The following LSM4 variants were observed in gnomAD, a reference collection of about 807,000 sequenced individuals.
LSM4 encodes LSM4 homolog, U6 small nuclear RNA and mRNA degradation associated.
A neutral mutation model predicts 22.3 loss-of-function variants in LSM4; 15 were observed. That is an observed-to-expected ratio of 0.67 (90% CI 0.45 to 1.03). The LOEUF is 1.03. LSM4 is among the 50% of genes least tolerant of loss of function. The pLI, the probability that LSM4 is intolerant of heterozygous loss-of-function variation, is 0.00. For missense variants in LSM4, 127 were observed against 198.0 expected, an observed-to-expected ratio of 0.64 and a Z score of 2.15; for synonymous variants, 90 against 79.8, an observed-to-expected ratio of 1.13 and a Z score of -0.68.
intron 4 of LSM4, among the ~76,000 whole-genome samples, chr19:18,308,040 C>T (rs1287325612): frequency 2.0e-5 from 3 of 152,178 alleles, no homozygotes; most frequent in African/African-American, 7.2e-5. Context: ...TGTATCCAGC[C>T]CCAGGGATGG....
intron 1 of LSM4, among the ~76,000 whole-genome samples, chr19:18,319,154 A>G (rs1309830097): frequency 1.3e-5 from 2 of 152,192 alleles, no homozygotes; most frequent in African/African-American, 4.8e-5. Flanking sequence ...AGGCAGGAGA[A>G]TCGCTTGAAA....
At chr19:18,309,915 C>T (rs1970280158) in intron 3 of LSM4, 54 bp from the exon 4 acceptor site, 6 of 1,566,954 alleles carry the variant, frequency 3.8e-6, no homozygotes, top group Non-Finnish European at 4.3e-6. Context: ...CTGGCCCAGC[C>T]CTGGGAGCGC....
At chr19:18,322,289 C>T (rs1970433081) in intron 1 of LSM4, among the ~76,000 whole-genome samples, 1 of 152,196 alleles carries the variant, frequency 6.6e-6, no homozygotes, top group Admixed American at 6.5e-5. Context: ...AAACTCCCAG[C>T]TCTGAATTCC....
At chr19:18,322,958 G>T in intron 1 of LSM4, 60 bp downstream of exon 1, 1 of 1,584,258 alleles carries the variant, frequency 6.3e-7, no homozygotes, top group Non-Finnish European at 8.6e-7. Context: ...CCGCCCGCAG[G>T]GATCCCAACG....
rs1970220480 is a variant in LSM4, at chr19:18,306,306, A to T, written c.*1158T>A. On this transcript the variant is annotated 3_prime_UTR_variant, in exon 5 of 5. Coordinates refer to ENST00000593829, the MANE Select transcript of LSM4 (RefSeq NM_012321.5). ...GTCTCCGAACGAGGACCCTGAAGAG[A>T]AGGCTATGCAGGGGGACGGGCCGCT... The T allele has an allele frequency of 6.6e-6, 1 of 152,198 alleles. No individual in the cohort carries two copies. Among genetic ancestry groups the T allele is most frequent in the African/African-American group, 2.4e-5 (1 of 41,438 alleles). The allele number at this position is 152,198 out of a possible 1,614,324, so 9.4% of individuals were successfully genotyped here.
intron 3 of LSM4, among the ~76,000 whole-genome samples, chr19:18,310,764 C>CT (rs1970290004): frequency 6.6e-6 from 1 of 152,204 alleles, no homozygotes; most frequent in African/African-American, 2.4e-5. Flanking sequence ...CCCCTCCAGC[C>CT]TGGGGGCAAG....
rs897971246 is a variant in LSM4 at position 18,307,395 on chromosome 19, C to A, written c.*69G>T. 2.0e-5 allele frequency: 25 copies of A among 1,261,020 alleles called. No homozygotes were observed. The highest frequency in any genetic ancestry group is 1.0e-4 in the Admixed American group (3 of 29,672). The allele number at this position is 1,261,020 out of a possible 1,614,324, so 78.1% of individuals were successfully genotyped here. A position where few individuals can be genotyped will look rare whatever the true frequency, so the allele number is the denominator to read the frequency against. ...CTGCCTCTTCCTTTCTGAGCAGATC[C>A]GTCCGAGACTGTGGAGCGGAATCGC... On this transcript the variant is annotated 3_prime_UTR_variant, in exon 5 of 5. Transcript: ENST00000593829.
chr19:18,309,383 G>T, intron 4 of LSM4: 2 of 423,576 alleles, frequency 4.7e-6, no homozygotes, highest in Non-Finnish European at 8.4e-6. Context: ...AAGTGGAGTT[G>T]CCAGCGGCCT....
intron 3 of LSM4, chr19:18,312,272 A>T: frequency 3.7e-6 from 1 of 272,092 alleles, no homozygotes; most frequent in East Asian, 9.1e-5. Flanking sequence ...GCTGGACTAA[A>T]GGCAGCAGAG....
At position 18,307,380 on chromosome 19, in the gene LSM4, C is replaced by T; in HGVS notation, c.*84G>A. On this transcript the variant is annotated 3_prime_UTR_variant, in exon 5 of 5. Coordinates refer to ENST00000593829, the MANE Select transcript of LSM4 (RefSeq NM_012321.5). ...GGTTCCCCCTGGCGCCTGCCTCTTC[C>T]TTTCTGAGCAGATCCGTCCGAGACT... is the stretch of plus-strand genomic sequence containing the variant. 8.6e-7 allele frequency: 1 copy of T among 1,156,412 alleles called. No individual in the cohort carries two copies. Among genetic ancestry groups the T allele is most frequent in the Non-Finnish European group, 1.1e-6 (1 of 892,630 alleles). 71.6% of individuals were successfully genotyped at this position (1,156,412 alleles called of 1,614,324 possible). A position where few individuals can be genotyped will look rare whatever the true frequency, so the allele number is the denominator to read the frequency against.
chr19:18,316,954 C>T (rs888929333), intron 1 of LSM4, among the ~76,000 whole-genome samples: 1 of 152,084 alleles, frequency 6.6e-6, no homozygotes, highest in Non-Finnish European at 1.5e-5. Flanking sequence ...TGAAGCCTTG[C>T]TCTAAAAATA....
intron 1 of LSM4, among the ~76,000 whole-genome samples, chr19:18,321,562 T>C (rs779522134): frequency 7.9e-5 from 12 of 152,198 alleles, no homozygotes. Context: ...GACCCTCTTC[T>C]TGCCTGGGGA....
chr19:18,322,280 A>G (rs1388106196), intron 1 of LSM4, among the ~76,000 whole-genome samples: 2 of 152,154 alleles, frequency 1.3e-5, no homozygotes, highest in African/African-American at 4.8e-5. Context: ...TGGGCCAGGA[A>G]ACTCCCAGCT....
chr19:18,311,180 A>G (rs986644513), intron 3 of LSM4, among the ~76,000 whole-genome samples: 1 of 152,098 alleles, frequency 6.6e-6, no homozygotes, highest in Non-Finnish European at 1.5e-5. Flanking sequence ...GGCAGGGCCC[A>G]GAGGCTTCCT....
chr19:18,318,383 G>A (rs1207965025), intron 1 of LSM4, among the ~76,000 whole-genome samples: 5 of 152,224 alleles, frequency 3.3e-5, no homozygotes, highest in Admixed American at 6.5e-5. Flanking sequence ...TTCCTGCACC[G>A]GCTTCCTGGA....
chr19:18,318,739 G>A (rs973444707), intron 1 of LSM4, among the ~76,000 whole-genome samples: 7 of 152,248 alleles, frequency 4.6e-5, no homozygotes, highest in African/African-American at 1.7e-4. Flanking sequence ...CACAGCAGAA[G>A]TGACCTGCCC....
At chr19:18,314,198 G>C (rs1255575810) in intron 2 of LSM4, among the ~76,000 whole-genome samples, 4 of 152,094 alleles carry the variant, frequency 2.6e-5, no homozygotes, top group African/African-American at 9.7e-5. Context: ...GCCAAAAAGG[G>C]GAAAGAGCCC....
intron 1 of LSM4, among the ~76,000 whole-genome samples, chr19:18,318,834 T>C (rs917058763): frequency 6.6e-6 from 1 of 152,224 alleles, no homozygotes; most frequent in Non-Finnish European, 1.5e-5. Context: ...CAGACCCTCT[T>C]GGGCCACCAC....
chr19:18,311,728 G>A (rs1239338053), intron 3 of LSM4, among the ~76,000 whole-genome samples: 1 of 152,130 alleles, frequency 6.6e-6, no homozygotes, highest in African/African-American at 2.4e-5. Context: ...TAGCGCTGCT[G>A]CACAGCAGCC....
Sources: gnomAD v4.1 joint callset for allele counts (sites outside exome capture counted in the v4.1 genomes callset) on GRCh38, gnomAD v4.1.1 for gene constraint, MANE v1.5 for transcripts, NCBI Gene and HGNC (gene_info 2026-07-23, HGNC 2026-07-21) for gene names.